NUDCD1: variants seen among roughly 807,000 people sequenced by gnomAD.
NUDCD1 encodes NudC domain containing 1.
Under a neutral mutation model 67.8 loss-of-function variants are expected in NUDCD1, and 60 were observed. The observed-to-expected ratio is 0.88, with a 90% CI of 0.72 to 1.10. The LOEUF (loss-of-function observed/expected upper bound fraction) is 1.10. Among genes scored for constraint, NUDCD1 ranks in the 50% least tolerant of loss-of-function variants. NUDCD1 has a pLI of 0.00. For missense variants in NUDCD1, 643 were observed against 695.0 expected, an observed-to-expected ratio of 0.93 and a Z score of 0.84; for synonymous variants, 244 against 230.8, an observed-to-expected ratio of 1.06 and a Z score of -0.52.
At position 109,242,874 on chromosome 8, in the gene NUDCD1, A is replaced by G. The variant is rs1330745783; in HGVS notation, c.*135T>C. ...TCATAATCTCTTGAATATATTTCCA[A>G]TGTTATTAAAAAATAAAAAATCATA... On this transcript the variant is annotated 3_prime_UTR_variant, in exon 10 of 10. Transcript: ENST00000239690. 1.9e-6 allele frequency: 1 copy of G among 526,192 alleles called. No homozygotes were observed. The highest frequency in any genetic ancestry group is 1.9e-5 in the African/African-American group (1 of 52,886). The allele number at this position is 526,192 out of a possible 1,614,324, so 32.6% of individuals were successfully genotyped here.
intron 2 of NUDCD1, among the ~76,000 whole-genome samples, chr8:109,310,981 A>G (rs1002105634): frequency 1.4e-4 from 21 of 151,908 alleles, no homozygotes; most frequent in African/African-American, 4.8e-4. Context: ...ACGCCCGGCT[A>G]ATTTTTTGTG....
chr8:109,258,020 T>C (rs1170386097), intron 8 of NUDCD1, among the ~76,000 whole-genome samples: 1 of 152,112 alleles, frequency 6.6e-6, no homozygotes, highest in Non-Finnish European at 1.5e-5. Context: ...TTTGATCCAA[T>C]TGATCACTTT....
At chr8:109,320,005 T>G (rs1815495210) in intron 2 of NUDCD1, among the ~76,000 whole-genome samples, 1 of 151,020 alleles carries the variant, frequency 6.6e-6, no homozygotes. Flanking sequence ...GGGGAGGGAG[T>G]GTGCGAATAG....
At position 109,303,192 on chromosome 8, in the gene NUDCD1, G is replaced by A. The variant is rs552539574; in HGVS notation, c.274-6623C>T. Among the ~76,000 whole-genome samples, 752 of 152,228 alleles carry A rather than the reference G, an allele frequency of 4.9e-3. 3 individuals are homozygous for A. Among genetic ancestry groups the A allele is most frequent in the Non-Finnish European group, 6.5e-3 (443 of 68,012 alleles). ...CACTGGAAATCGGACTGTCCTACTC[G>A]CCCAGCAGCCACTCCCAGAGCCCCT... On this transcript the variant is annotated intron_variant, in intron 2 of 9. Transcript: ENST00000239690.
chr8:109,251,218 G>C (rs1813616939), intron 8 of NUDCD1, among the ~76,000 whole-genome samples: 1 of 143,944 alleles, frequency 6.9e-6, no homozygotes, highest in Admixed American at 7.4e-5. Flanking sequence ...CTGTCGCCCA[G>C]GCTGGAGTGC....
At chr8:109,270,078 GGGGGTGCCTTAA>G (rs1478626249) in intron 8 of NUDCD1, among the ~76,000 whole-genome samples, 4 of 82,630 alleles carry the variant, frequency 4.8e-5, no homozygotes, top group Non-Finnish European at 7.5e-5. Context: ...GGGGGGGGGG[GGGGGTGCCTTAA>G]GGTGGGGTGT....
At chr8:109,258,723 CATTACT>C (rs1374091283) in intron 8 of NUDCD1, among the ~76,000 whole-genome samples, 2 of 151,998 alleles carry the variant, frequency 1.3e-5, no homozygotes, top group Admixed American at 6.6e-5. Context: ...TTAAGCATTT[CATTACT>C]ATCCCAAGGA....
intron 2 of NUDCD1, among the ~76,000 whole-genome samples, chr8:109,310,941 G>A (rs932910051): frequency 5.5e-5 from 8 of 145,340 alleles, no homozygotes; most frequent in African/African-American, 1.5e-4. Flanking sequence ...TCAGCCTCCC[G>A]AGTAGCTGGG....
chr8:109,251,942 T>C (rs543613732), intron 8 of NUDCD1, among the ~76,000 whole-genome samples: 46 of 152,308 alleles, frequency 3.0e-4, no homozygotes, highest in African/African-American at 1.1e-3. Context: ...GTGTGCCATG[T>C]TTCATCTTCG....
At chr8:109,277,557 G>A (rs548342180) in intron 6 of NUDCD1, among the ~76,000 whole-genome samples, 8 of 151,964 alleles carry the variant, frequency 5.3e-5, no homozygotes, top group Admixed American at 4.6e-4. Flanking sequence ...TTTTGAAAAC[G>A]AGAGGTACGA....
chr8:109,301,724 C>T (rs1814995406), intron 2 of NUDCD1, among the ~76,000 whole-genome samples: 2 of 152,234 alleles, frequency 1.3e-5, no homozygotes, highest in African/African-American at 4.8e-5. Context: ...TCTCCCTGTC[C>T]TTCCAATTCC....
Position 109,245,174 on chromosome 8 carries a change from AC to A in NUDCD1, c.1459+147del. On this transcript the variant is annotated intron_variant, in intron 9 of 9. Transcript: ENST00000239690. Reference sequence around the variant, plus strand: ...TGTTCCAACAGTGCTAACACTCACAACTAGTACAAGCAAACAAATCATAGCG... The same window carrying A: ...TGTTCCAACAGTGCTAACACTCACAATAGTACAAGCAAACAAATCATAGCG... The A allele has an allele frequency of 8.5e-6, 6 of 706,198 alleles. No homozygotes were observed. The South Asian group carries it at 1.3e-4, about 15-fold the overall frequency. 43.7% of individuals were successfully genotyped at this position (706,198 alleles called of 1,614,324 possible).
intron 3 of NUDCD1, among the ~76,000 whole-genome samples, chr8:109,295,553 A>G (rs1814824852): frequency 6.6e-6 from 1 of 152,136 alleles, no homozygotes; most frequent in African/African-American, 2.4e-5. Context: ...TAGGTAAACC[A>G]TTTGGTTCTA....
intron 9 of NUDCD1, 107 bp downstream of exon 9, chr8:109,245,215 T>G (rs371556712): frequency 6.7e-6 from 7 of 1,046,488 alleles, no homozygotes; most frequent in African/African-American, 3.2e-5. Context: ...TCAATCTAAA[T>G]GTAATCAGGA....
intron 7 of NUDCD1, among the ~76,000 whole-genome samples, chr8:109,274,184 T>C (rs1814223745): frequency 6.6e-6 from 1 of 152,046 alleles, no homozygotes; most frequent in Non-Finnish European, 1.5e-5. Context: ...AGCTGTGGAG[T>C]AGACATTCTA....
intron 6 of NUDCD1, 100 bp from the exon 7 acceptor site, chr8:109,275,596 C>A (rs1814267567): frequency 2.7e-6 from 3 of 1,120,266 alleles, no homozygotes; most frequent in South Asian, 3.3e-5. Flanking sequence ...ATAGAAAGAA[C>A]CCTCCGGTGT....
At chr8:109,272,362 A>G (rs1350442115) in intron 7 of NUDCD1, among the ~76,000 whole-genome samples, 1 of 107,378 alleles carries the variant, frequency 9.3e-6, no homozygotes, top group Non-Finnish European at 1.9e-5. Context: ...TAGAACCACT[A>G]AAACACACAC....
At chr8:109,278,659 ATT>A (rs1383900413) in intron 6 of NUDCD1, among the ~76,000 whole-genome samples, 1 of 152,138 alleles carries the variant, frequency 6.6e-6, no homozygotes, top group Non-Finnish European at 1.5e-5. Context: ...ATACAGTATG[ATT>A]TTTTGTCTTT....
intron 2 of NUDCD1, among the ~76,000 whole-genome samples, chr8:109,301,877 C>T (rs1449316764): frequency 6.6e-6 from 1 of 152,254 alleles, no homozygotes; most frequent in Non-Finnish European, 1.5e-5. Flanking sequence ...TATTCACCCA[C>T]ACTCCATTGG....
Sources: gnomAD v4.1 joint callset for allele counts (sites outside exome capture counted in the v4.1 genomes callset) on GRCh38, gnomAD v4.1.1 for gene constraint, MANE v1.5 for transcripts, NCBI Gene and HGNC (gene_info 2026-07-23, HGNC 2026-07-21) for gene names.